Variants in KCNN2 observed in about 807,000 individuals in gnomAD.
The protein encoded by KCNN2 is potassium calcium-activated channel subfamily N member 2, also known as small conductance calcium-activated potassium channel protein 2.
A neutral mutation model predicts 55.5 loss-of-function variants in KCNN2; 24 were observed. That is an observed-to-expected ratio of 0.43 (90% CI 0.31 to 0.61). The LOEUF (loss-of-function observed/expected upper bound fraction) is 0.61. Among genes scored for constraint, KCNN2 ranks in the 20% least tolerant of loss-of-function variants. The pLI is 0.08. For synonymous variants in KCNN2, 431 were observed against 336.1 expected (o/e 1.28, Z -3.09); for missense variants, 754 against 853.6 (o/e 0.88, Z 1.45).
chr5:114,385,238 C>G (rs1048534798), intron 2 of KCNN2, among the ~76,000 whole-genome samples: 2 of 151,900 alleles, frequency 1.3e-5, no homozygotes, highest in African/African-American at 4.8e-5. Flanking sequence ...CCTTCCCTCC[C>G]TTTTGTTCTC....
chr5:114,338,781 C>T (rs1417006909), intron 2 of KCNN2, among the ~76,000 whole-genome samples: 1 of 152,176 alleles, frequency 6.6e-6, no homozygotes, highest in African/African-American at 2.4e-5. Flanking sequence ...CCATGCCCTG[C>T]AGCCTGAACT....
intron 3 of KCNN2, among the ~76,000 whole-genome samples, chr5:114,437,055 TTG>T (rs1273826733): frequency 7.3e-5 from 11 of 151,546 alleles, no homozygotes; most frequent in Admixed American, 7.2e-4. Context: ...GTGTGTGTGT[TTG>T]TGTGTGTGTA....
chr5:114,363,694 C>T (rs1757518321), intron 1 of KCNN2, among the ~76,000 whole-genome samples: 1 of 152,202 alleles, frequency 6.6e-6, no homozygotes, highest in Non-Finnish European at 1.5e-5. Context: ...AGCCACGCGT[C>T]TTCCCAGTCT....
chr5:114,361,092 G>C (rs1388545249), upstream of KCNN2: 1 of 152,360 alleles, frequency 6.6e-6, no homozygotes, highest in Non-Finnish European at 1.5e-5. Context: ...CTGAGCGCCA[G>C]AGCCCAGGAC....
intron 1 of KCNN2, among the ~76,000 whole-genome samples, chr5:114,124,825 A>T (rs186589416): frequency 6.6e-6 from 1 of 152,190 alleles, no homozygotes; most frequent in South Asian, 2.1e-4. Context: ...TAAAATTGGT[A>T]TACACCTCCA....
At chr5:114,291,756 G>A (rs547273504) in intron 2 of KCNN2, among the ~76,000 whole-genome samples, 1 of 152,326 alleles carries the variant, frequency 6.6e-6, no homozygotes, top group African/African-American at 2.4e-5. Flanking sequence ...GATCCCTGAG[G>A]AATCACCACA....
chr5:114,113,176 A>C (rs1315411510), intron 1 of KCNN2, among the ~76,000 whole-genome samples: 1 of 152,006 alleles, frequency 6.6e-6, no homozygotes, highest in East Asian at 1.9e-4. Context: ...GGAAATGTTC[A>C]ATGTCGAATG....
chr5:114,293,446 T>C (rs1317347744), intron 2 of KCNN2, among the ~76,000 whole-genome samples: 1 of 152,236 alleles, frequency 6.6e-6, no homozygotes, highest in African/African-American at 2.4e-5. Flanking sequence ...TCTATTGAGA[T>C]AATCATGTGG....
chr5:114,345,787 T>A (rs1231054420), intron 2 of KCNN2, among the ~76,000 whole-genome samples: 1 of 152,046 alleles, frequency 6.6e-6, no homozygotes, highest in Non-Finnish European at 1.5e-5. Context: ...GCTTTTATTT[T>A]TTATTTTTTT....
intron 1 of KCNN2, among the ~76,000 whole-genome samples, chr5:114,077,707 G>T (rs1272430221): frequency 6.6e-6 from 1 of 152,178 alleles, no homozygotes; most frequent in African/African-American, 2.4e-5. Context: ...GTACAGAACT[G>T]TGCTTTGCAG....
rs192678628 is a variant in KCNN2 at position 114,399,530 on chromosome 5, G to A, written c.1219-4908G>A. Among the ~76,000 whole-genome samples, 28 of 152,208 alleles carry A rather than the reference G, an allele frequency of 1.8e-4. 1 individual carries two copies. The Middle Eastern group carries it at 0.01, about 55-fold the overall frequency. On this transcript the variant is annotated intron_variant, in intron 2 of 7. Coordinates refer to ENST00000673685, the MANE Select transcript of KCNN2 (RefSeq NM_021614.4). ...TTTTGTTGAGATTTTTTGCATCAAC[G>A]TTCATCAAGGATATTTACCTGAAGT...
intron 1 of KCNN2, among the ~76,000 whole-genome samples, chr5:114,208,117 A>G (rs1358863967): frequency 2.0e-5 from 3 of 152,198 alleles, no homozygotes; most frequent in Non-Finnish European, 4.4e-5. Context: ...TGAATTCACA[A>G]TTATGTTGGT....
intron 1 of KCNN2, among the ~76,000 whole-genome samples, chr5:114,162,830 C>T (rs973704099): frequency 1.3e-5 from 2 of 152,052 alleles, no homozygotes; most frequent in African/African-American, 2.4e-5. Flanking sequence ...CCTGGTGTGC[C>T]GTTTGTTAAG....
At position 114,147,338 on chromosome 5, in the gene KCNN2, A is replaced by G. The variant is rs191666267; in HGVS notation, c.-270-74142A>G. The stretch of plus-strand genomic sequence containing the variant: ...CAAGGATGTAGAAAAGGCATTTTTA[A>G]CCTCATTTTTTGACAAAGGGACCAC... On this transcript the variant is annotated intron_variant, in intron 1 of 10. Coordinates refer to the KCNN2 transcript ENST00000512097. Among the ~76,000 whole-genome samples the G allele has an allele frequency of 1.1e-3, 166 of 152,244 alleles. 1 individual carries two copies. The highest frequency in any genetic ancestry group is 1.8e-3 in the Non-Finnish European group (120 of 68,008).
At chr5:114,276,431 T>A (rs1485921576) in intron 2 of KCNN2, among the ~76,000 whole-genome samples, 2 of 152,142 alleles carry the variant, frequency 1.3e-5, no homozygotes, top group Non-Finnish European at 2.9e-5. Flanking sequence ...CAGTGGGGTG[T>A]TAAAGTCTCC....
intron 1 of KCNN2, among the ~76,000 whole-genome samples, chr5:114,117,309 A>G (rs1751725423): frequency 6.6e-6 from 1 of 152,124 alleles, no homozygotes; most frequent in Admixed American, 6.6e-5. Context: ...AGCCTGGATC[A>G]TGTTCAGTGT....
chr5:114,209,841 T>A (rs973367848), intron 1 of KCNN2, among the ~76,000 whole-genome samples: 1 of 152,226 alleles, frequency 6.6e-6, no homozygotes. Context: ...TGTGGACTCA[T>A]TCTCTAACTT....
intron 5 of KCNN2, among the ~76,000 whole-genome samples, chr5:114,476,822 T>A (rs1761989980): frequency 6.6e-6 from 1 of 152,198 alleles, no homozygotes; most frequent in East Asian, 1.9e-4. Context: ...TACCCATTCC[T>A]GTATTATATA....
Position 114,159,169 on chromosome 5 carries a change from T to C in KCNN2, c.-270-62311T>C, listed in dbSNP as rs1045460106. Among the ~76,000 whole-genome samples, 35 of 152,200 alleles carry C rather than the reference T, an allele frequency of 2.3e-4. 1 individual carries two copies. Among genetic ancestry groups the C allele is most frequent in the African/African-American group, 8.2e-4 (34 of 41,456 alleles). ...ATAGATAGCGCTTATTATTTTGAGATACGTCCCATCAATACCTAATTTATT... is the reference window on the plus strand; with the variant it reads ...ATAGATAGCGCTTATTATTTTGAGACACGTCCCATCAATACCTAATTTATT... On this transcript the variant is annotated intron_variant, in intron 1 of 10. Transcript: ENST00000512097.
Sources: gnomAD v4.1 joint callset for allele counts (sites outside exome capture counted in the v4.1 genomes callset) on GRCh38, gnomAD v4.1.1 for gene constraint, MANE v1.5 for transcripts, NCBI Gene and HGNC (gene_info 2026-07-23, HGNC 2026-07-21) for gene names.